Variants in MTOR observed in about 807,000 individuals in gnomAD.
MTOR encodes the protein serine/threonine-protein kinase mTOR.
In MTOR, 70 loss-of-function variants were observed where a neutral mutation model predicts 319.8. The observed-to-expected ratio is 0.22, with a 90% confidence interval of 0.18 to 0.27. MTOR has a LOEUF of 0.27. Ranked by LOEUF, MTOR falls within the 10% of genes least tolerant of loss-of-function variation. The pLI, the probability that MTOR is intolerant of heterozygous loss-of-function variation, is 1.00. For missense variants in MTOR, 1,890 were observed against 3,274.4 expected, an observed-to-expected ratio of 0.58 and a Z score of 10.32; for synonymous variants, 1,183 against 1,211.4, an observed-to-expected ratio of 0.98 and a Z score of 0.49.
chr1:11,167,245 TAA>T (rs543578984), intron 29 of MTOR, among the ~76,000 whole-genome samples, 195 bp downstream of exon 29: 1 of 141,406 alleles, frequency 7.1e-6, no homozygotes, highest in Non-Finnish European at 1.6e-5. Context: ...AAAGTATAAT[TAA>T]AAAAAAAAAA....
At chr1:11,250,875 T>C (rs1649581761) in intron 6 of MTOR, among the ~76,000 whole-genome samples, 1 of 152,180 alleles carries the variant, frequency 6.6e-6, no homozygotes, top group Non-Finnish European at 1.5e-5. Context: ...TTGACACTTC[T>C]TTCTCTCCAT....
At position 11,253,950 on chromosome 1, in the gene MTOR, C is replaced by A; in HGVS notation, c.729G>T (p.Lys243Asn). The A allele has an allele frequency of 6.2e-7, 1 of 1,614,154 alleles. No individual in the cohort carries two copies. The change falls in exon 6 of 58, where the codon AAG becomes AAT. Residue 243 changes from lysine (K) to asparagine (N), a missense_variant. Coordinates refer to ENST00000361445, the MANE Select transcript of MTOR (RefSeq NM_004958.4). ...CTTTGGCCAAGGTCTCATCAAATCC[C>A]TTCTCTGCTTCTTCAAATGTGTGCT... ...WYRHTFEEAE[K>N]GFDETLAKEK...
intron 49 of MTOR, among the ~76,000 whole-genome samples, chr1:11,120,978 A>G (rs1642495914): frequency 6.6e-6 from 1 of 152,224 alleles, no homozygotes; most frequent in African/African-American, 2.4e-5. Context: ...AACTAAGTTA[A>G]TAGGAAATTT....
chr1:11,255,514 A>G (rs969851850), intron 5 of MTOR, among the ~76,000 whole-genome samples: 1 of 152,196 alleles, frequency 6.6e-6, no homozygotes, highest in Non-Finnish European at 1.5e-5. Context: ...GTTTGCTTTA[A>G]TAAAATGCAA....
chr1:11,255,382 C>CAAAAAAAAAAAAAAAA (rs56328160), intron 5 of MTOR, among the ~76,000 whole-genome samples: 1 of 98,236 alleles, frequency 1.0e-5, no homozygotes, highest in African/African-American at 6.3e-5. Context: ...ACTCCATCTC[C>CAAAAAAAAAAAAAAAA]AAAAAAAAAA....
Position 11,121,707 on chromosome 1 carries a change from C to G in MTOR, c.6810+272G>C, listed in dbSNP as rs1026460165. On this transcript the variant is annotated intron_variant, in intron 48 of 57. Transcript: ENST00000361445. This position sits in a 1 kb window ranked among gnomAD's most constrained non-coding sequence, Gnocchi z 4.9. ...TACTAAACATTATTTCTCCATATGG[C>G]CAGTGCTTTGTATACATTAGTAAAT... Among the ~76,000 whole-genome samples the G allele has an allele frequency of 6.6e-6, 1 of 152,180 alleles. No homozygotes were observed. The highest frequency in any genetic ancestry group is 2.4e-5 in the African/African-American group (1 of 41,444).
At chr1:11,175,596 G>A (rs1221378236) in intron 28 of MTOR, among the ~76,000 whole-genome samples, 1 of 152,188 alleles carries the variant, frequency 6.6e-6, no homozygotes, top group Admixed American at 6.5e-5. Flanking sequence ...CCAAGGCAGG[G>A]CAAGCATGCG....
chr1:11,121,927 G>A lies in MTOR; in HGVS notation c.6810+52C>T, dbSNP rs17848563. 3.7e-6 allele frequency: 6 copies of A among 1,603,850 alleles called. No homozygotes were observed. Among genetic ancestry groups the A allele is most frequent in the Admixed American group, 1.7e-5 (1 of 59,466 alleles). On this transcript the variant is annotated intron_variant, in intron 48 of 57. Coordinates refer to ENST00000361445, the MANE Select transcript of MTOR (RefSeq NM_004958.4). The surrounding 1 kb of genome is among the most constrained non-coding windows in gnomAD (Gnocchi z 4.9). ...AGAGGAATGAGAAAAGCAGCGCTAC[G>A]GAGATTCCCTGCCACGGAAGGGGCA...
At chr1:11,141,471 C>T (rs369363306) in intron 34 of MTOR, among the ~76,000 whole-genome samples, 3 of 151,970 alleles carry the variant, frequency 2.0e-5, no homozygotes, top group Non-Finnish European at 4.4e-5. Context: ...AAGGTTCAAG[C>T]GATTCTTCTG....
chr1:11,153,983 CA>C (rs1329745926), intron 30 of MTOR, among the ~76,000 whole-genome samples: 2 of 135,354 alleles, frequency 1.5e-5, no homozygotes, highest in Non-Finnish European at 3.1e-5. Flanking sequence ...GCAGGAAAAT[CA>C]CTTGACCCTG....
At chr1:11,254,768 C>CTT (rs1260367652) in intron 5 of MTOR, among the ~76,000 whole-genome samples, 4 of 142,046 alleles carry the variant, frequency 2.8e-5, no homozygotes, top group African/African-American at 2.6e-5. Context: ...AAAGAGATGT[C>CTT]TTTTTTTTTT....
At chr1:11,145,812 T>C (rs1264708655) in intron 32 of MTOR, among the ~76,000 whole-genome samples, 1 of 152,188 alleles carries the variant, frequency 6.6e-6, no homozygotes, top group Non-Finnish European at 1.5e-5. Context: ...CCTGGGGATC[T>C]ACCCTCTTTT....
intron 37 of MTOR, 21 bp downstream of exon 37, chr1:11,134,330 C>T: frequency 6.2e-7 from 1 of 1,609,228 alleles, no homozygotes; most frequent in Non-Finnish European, 8.5e-7. Context: ...ATGACTTGCC[C>T]CAGGTCAGTG....
intron 19 of MTOR, among the ~76,000 whole-genome samples, chr1:11,223,704 A>G (rs1323142748): frequency 6.6e-6 from 1 of 152,134 alleles, no homozygotes; most frequent in African/African-American, 2.4e-5. Flanking sequence ...ATAAACAGAC[A>G]AAGCAGGACA....
chr1:11,146,647 G>T, intron 32 of MTOR, 29 bp downstream of exon 32: 1 of 1,562,278 alleles, frequency 6.4e-7, no homozygotes, highest in Non-Finnish European at 8.8e-7. Context: ...TTTCCTCACT[G>T]AGAGATCTGG....
At position 11,235,854 on chromosome 1, in the gene MTOR, C is replaced by T. The variant is rs186348691; in HGVS notation, c.2209-1589G>A. ...AAAATTAGCTGGGCGTGGTGGCGGG[C>T]GCCTGTAGTCCCAGCTACTCAGGAG... On this transcript the variant is annotated intron_variant, in intron 13 of 57. Coordinates refer to ENST00000361445, the MANE Select transcript of MTOR (RefSeq NM_004958.4). 7.4e-3 allele frequency among the ~76,000 whole-genome samples: 1,131 copies of T among 151,982 alleles called. 5 individuals are homozygous for T. The highest frequency in any genetic ancestry group is 0.02 in the Middle Eastern group (6 of 294).
rs371409681 is a variant in MTOR, at chr1:11,145,067, G to C, written c.4687-22C>G. 5.3e-4 allele frequency: 856 copies of C among 1,611,106 alleles called. 1 individual carries two copies. Among genetic ancestry groups the C allele is most frequent in the Non-Finnish European group, 7.0e-4 (819 of 1,177,896 alleles). The stretch of plus-strand genomic sequence containing the variant: ...TGCACTAGAAGAGAAACAACCCTTG[G>C]GACTGAGCTCTGGACTTGGGAGCTT... On this transcript the variant is annotated intron_variant, in intron 32 of 57. Coordinates refer to ENST00000361445, the MANE Select transcript of MTOR (RefSeq NM_004958.4).
intron 4 of MTOR, 37 bp from the exon 5 acceptor site, chr1:11,256,229 C>A (rs1198359756): frequency 2.5e-6 from 4 of 1,591,840 alleles, no homozygotes; most frequent in Non-Finnish European, 3.4e-6. Context: ...CTCATTGGTA[C>A]CAGAGTTTTG....
chr1:11,211,018 T>C (rs1646295566), intron 23 of MTOR, 112 bp from the exon 24 acceptor site: 2 of 658,058 alleles, frequency 3.0e-6, no homozygotes. Flanking sequence ...GGTTTGTGGC[T>C]AGCTCTGTGA....
Sources: gnomAD v4.1 joint callset for allele counts (sites outside exome capture counted in the v4.1 genomes callset) on GRCh38, gnomAD v4.1.1 for gene constraint, Gnocchi (gnomAD v3.1) non-coding constraint, MANE v1.5 for transcripts, NCBI Gene and HGNC (gene_info 2026-07-23, HGNC 2026-07-21) for gene names.